The following NLGN1 variants were observed in gnomAD, a reference collection of about 807,000 sequenced individuals.
NLGN1 encodes the protein neuroligin-1.
A neutral mutation model predicts 65.5 loss-of-function variants in NLGN1; 12 were observed. The ratio of observed to expected loss-of-function variants is 0.18; its 90% CI spans 0.12 to 0.30. The LOEUF (loss-of-function observed/expected upper bound fraction) is 0.30, where lower values mean the gene tolerates loss of function less well. Among genes scored for constraint, NLGN1 ranks in the 10% least tolerant of loss-of-function variants. The probability of loss-of-function intolerance (pLI) is 1.00; values close to 1 mark genes in which losing one functional copy is unlikely to be tolerated. For synonymous variants in NLGN1, 350 were observed against 359.5 expected, an observed-to-expected ratio of 0.97 and a Z score of 0.30; for missense variants, 750 against 1,007.1, an observed-to-expected ratio of 0.74 and a Z score of 3.46.
intron 2 of NLGN1, among the ~76,000 whole-genome samples, chr3:173,541,335 A>G (rs1738826790): frequency 6.6e-6 from 1 of 152,152 alleles, no homozygotes; most frequent in Admixed American, 6.6e-5. Flanking sequence ...TTGTAATAAT[A>G]ACATTTATTA....
At chr3:173,908,199 C>G (rs1738848706) in intron 4 of NLGN1, among the ~76,000 whole-genome samples, 1 of 152,104 alleles carries the variant, frequency 6.6e-6, no homozygotes, top group Admixed American at 6.5e-5. Flanking sequence ...AATACCTAGG[C>G]TAGTTTGATT....
intron 4 of NLGN1, among the ~76,000 whole-genome samples, chr3:173,909,404 C>G (rs1234217119): frequency 6.6e-6 from 1 of 152,054 alleles, no homozygotes; most frequent in African/African-American, 2.4e-5. Flanking sequence ...TTGGGGCTTT[C>G]CCTGAAAAAA....
chr3:174,187,753 A>C (rs1731676992), intron 4 of NLGN1, among the ~76,000 whole-genome samples: 1 of 151,936 alleles, frequency 6.6e-6, no homozygotes, highest in Non-Finnish European at 1.5e-5. Flanking sequence ...GCACAAAATA[A>C]ATGGTCTCTA....
Position 173,618,201 on chromosome 3 carries a change from C to CT in NLGN1, c.493+13112dup, listed in dbSNP as rs765717890. Among the ~76,000 whole-genome samples, 417 of 144,674 alleles carry CT rather than the reference C, an allele frequency of 2.9e-3. 1 individual carries two copies. The highest frequency in any genetic ancestry group is 5.2e-3 in the Admixed American group (74 of 14,344). The allele number at this position is 144,674 out of a possible 152,430, so 94.9% of individuals were successfully genotyped here. The stretch of plus-strand genomic sequence containing the variant: ...GGGTTTTTGTCATTGTTCTTCTTTT[C>CT]TTCTTTTTTTTAGAGACAGGGTCTC... On this transcript the variant is annotated intron_variant, in intron 3 of 6. Transcript: ENST00000457714.
At chr3:174,191,997 C>A (rs1043370809) in intron 4 of NLGN1, among the ~76,000 whole-genome samples, 1 of 152,050 alleles carries the variant, frequency 6.6e-6, no homozygotes, top group Admixed American at 6.6e-5. Context: ...TGACAGAAGT[C>A]TATGAAAAGA....
At chr3:174,023,376 A>G (rs1269651664) in intron 4 of NLGN1, among the ~76,000 whole-genome samples, 1 of 152,130 alleles carries the variant, frequency 6.6e-6, no homozygotes, top group Non-Finnish European at 1.5e-5. Context: ...TTCCTAGGAT[A>G]TATGTAACGC....
chr3:173,802,939 A>G (rs1441055226), intron 3 of NLGN1, among the ~76,000 whole-genome samples: 1 of 151,940 alleles, frequency 6.6e-6, no homozygotes, highest in Non-Finnish European at 1.5e-5. Context: ...CTCGTGTTCA[A>G]GCAAGCAATT....
intron 2 of NLGN1, among the ~76,000 whole-genome samples, chr3:173,586,800 T>C (rs1436128053): frequency 6.6e-6 from 1 of 152,226 alleles, no homozygotes; most frequent in Non-Finnish European, 1.5e-5. Flanking sequence ...TACTCTGCTA[T>C]AAGTCACGTG....
intron 2 of NLGN1, among the ~76,000 whole-genome samples, chr3:173,538,123 ACTT>A (rs1737761014): frequency 6.6e-6 from 1 of 152,172 alleles, no homozygotes; most frequent in Non-Finnish European, 1.5e-5. Flanking sequence ...GACTGGTACT[ACTT>A]CTGTTTCCAC....
chr3:173,646,320 G>A (rs565847199), intron 3 of NLGN1, among the ~76,000 whole-genome samples: 84 of 152,256 alleles, frequency 5.5e-4, no homozygotes, highest in African/African-American at 1.8e-3. Context: ...AGGACTAATC[G>A]TTTCCTGCTA....
chr3:173,902,396 A>T lies in NLGN1; in HGVS notation c.646+94564A>T, dbSNP rs558140681. 3.3e-5 allele frequency among the ~76,000 whole-genome samples: 5 copies of T among 152,264 alleles called. No homozygotes were observed. In the South Asian group the frequency reaches 1.0e-3, roughly 31 times the overall value. ...ATAGCTTATGTTTGAAACAGAAAAT[A>T]TGATTTTTAAGAGAGTTTATGTAAG... On this transcript the variant is annotated intron_variant, in intron 4 of 6. Coordinates refer to ENST00000457714, the Ensembl canonical transcript of NLGN1.
In NLGN1 at chr3:173,737,922, A is replaced by G. The variant is rs184538651; in HGVS notation, c.494-69758A>G. On this transcript the variant is annotated intron_variant, in intron 3 of 6. Transcript: ENST00000457714. Reference sequence around the variant, plus strand: ...TCTGCATCCTCACCAACACTTGCTTATCTGTCTGTTTTATTATGGGCACTT... The same window carrying G: ...TCTGCATCCTCACCAACACTTGCTTGTCTGTCTGTTTTATTATGGGCACTT... 7.2e-5 allele frequency among the ~76,000 whole-genome samples: 11 copies of G among 152,106 alleles called. No homozygotes were observed. In the East Asian group the frequency reaches 1.9e-3, roughly 27 times the overall value.
intron 2 of NLGN1, among the ~76,000 whole-genome samples, chr3:173,509,313 A>T (rs1476302608): frequency 6.6e-6 from 1 of 152,148 alleles, no homozygotes; most frequent in African/African-American, 2.4e-5. Flanking sequence ...AACTATTTTC[A>T]TCCCATTTGA....
intron 3 of NLGN1, among the ~76,000 whole-genome samples, chr3:173,610,060 G>A (rs1752048752): frequency 6.6e-6 from 1 of 151,782 alleles, no homozygotes; most frequent in Non-Finnish European, 1.5e-5. Context: ...GGTTGTAGGA[G>A]AGCATGGAGA....
chr3:173,594,111 A>G (rs1408010925), intron 2 of NLGN1, among the ~76,000 whole-genome samples: 2 of 152,150 alleles, frequency 1.3e-5, no homozygotes, highest in Non-Finnish European at 2.9e-5. Flanking sequence ...CTCGCATTTC[A>G]AAACCAATCA....
At chr3:173,823,573 A>G (rs1720743158) in intron 4 of NLGN1, among the ~76,000 whole-genome samples, 1 of 152,054 alleles carries the variant, frequency 6.6e-6, no homozygotes, top group Non-Finnish European at 1.5e-5. Flanking sequence ...ATAACAGAAA[A>G]CACTGTTTGG....
At chr3:174,009,588 C>T (rs1725118995) in intron 4 of NLGN1, among the ~76,000 whole-genome samples, 1 of 152,134 alleles carries the variant, frequency 6.6e-6, no homozygotes, top group Non-Finnish European at 1.5e-5. Flanking sequence ...GTCTCTTTGA[C>T]TTCAAAGCTC....
intron 2 of NLGN1, among the ~76,000 whole-genome samples, chr3:173,477,482 T>G (rs570037640): frequency 6.6e-6 from 1 of 152,186 alleles, no homozygotes; most frequent in African/African-American, 2.4e-5. Flanking sequence ...AATTCGAGGC[T>G]ACAGTGAACT....
intron 4 of NLGN1, among the ~76,000 whole-genome samples, chr3:174,168,869 T>C (rs911106445): frequency 1.4e-4 from 21 of 152,298 alleles, no homozygotes; most frequent in African/African-American, 4.3e-4. Context: ...CAGGAGAAAC[T>C]TCCTTAGCTC....
Sources: allele counts gnomAD v4.1 joint callset (sites outside exome capture counted in the v4.1 genomes callset), GRCh38; gene constraint gnomAD v4.1.1; transcripts MANE v1.5; gene names NCBI Gene and HGNC (gene_info 2026-07-23, HGNC 2026-07-21).